The following NRG1 variants were observed in gnomAD, a reference collection of about 807,000 sequenced individuals.
NRG1 encodes the protein pro-neuregulin-1, membrane-bound isoform.
A neutral mutation model predicts 63.8 loss-of-function variants in NRG1; 18 were observed. The observed-to-expected ratio is 0.28, with a 90% CI of 0.19 to 0.42. The LOEUF (loss-of-function observed/expected upper bound fraction) is 0.42. Ranked by LOEUF, NRG1 falls within the 10% of genes least tolerant of loss-of-function variation. NRG1 has a pLI of 1.00. For missense variants in NRG1, 762 were observed against 814.7 expected (o/e 0.94, Z 0.79); for synonymous variants, 302 against 301.3 (o/e 1.00, Z -0.02).
intron 1 of NRG1, among the ~76,000 whole-genome samples, chr8:32,143,214 T>C (rs899397329): frequency 4.0e-5 from 6 of 151,836 alleles, no homozygotes; most frequent in Non-Finnish European, 8.8e-5. Context: ...GGCCTGTGTC[T>C]AGAGTACAAG....
intron 1 of NRG1, among the ~76,000 whole-genome samples, chr8:32,420,651 TACA>T (rs1199017659): frequency 2.0e-5 from 3 of 152,138 alleles, no homozygotes; most frequent in African/African-American, 7.2e-5. Flanking sequence ...GTGGAGTGTT[TACA>T]ACATTTTTGC....
intron 1 of NRG1, among the ~76,000 whole-genome samples, chr8:32,341,451 G>A (rs1804066225): frequency 6.6e-6 from 1 of 152,208 alleles, no homozygotes; most frequent in African/African-American, 2.4e-5. Flanking sequence ...AAGACTGTAA[G>A]GACAGAGGAA....
At chr8:31,691,669 C>T (rs1021366924) in intron 1 of NRG1, among the ~76,000 whole-genome samples, 8 of 147,564 alleles carry the variant, frequency 5.4e-5, no homozygotes, top group East Asian at 4.1e-4. Context: ...TAAAAATAAC[C>T]GTTAATTTTA....
rs373432398 is a variant in NRG1 at position 31,929,747 on chromosome 8, A to G, written c.37+290316A>G. 1.4e-4 allele frequency among the ~76,000 whole-genome samples: 22 copies of G among 152,228 alleles called. No homozygotes were observed. The East Asian group carries it at 3.7e-3, about 25-fold the overall frequency. On this transcript the variant is annotated intron_variant, in intron 1 of 10. Coordinates refer to the NRG1 transcript ENST00000519301. ...ATAACACACTAAATTTTTCTTTACT[A>G]TATTTCATTCCCTTCTTAATCTCAT... is the stretch of plus-strand genomic sequence containing the variant.
intron 6 of NRG1, among the ~76,000 whole-genome samples, chr8:32,734,933 T>A (rs1013772847): frequency 1.3e-5 from 2 of 152,062 alleles, no homozygotes; most frequent in African/African-American, 4.8e-5. Flanking sequence ...ACCATACTGG[T>A]CTTTGCCTGA....
intron 1 of NRG1, among the ~76,000 whole-genome samples, chr8:32,519,241 C>T (rs559568428): frequency 6.6e-6 from 1 of 152,212 alleles, no homozygotes; most frequent in East Asian, 1.9e-4. Context: ...TAAAGGAAAG[C>T]AGGACCTATT....
intron 1 of NRG1, among the ~76,000 whole-genome samples, chr8:31,656,725 A>C (rs1805469892): frequency 6.6e-6 from 1 of 152,176 alleles, no homozygotes; most frequent in South Asian, 2.1e-4. Context: ...TGAGCTAAGA[A>C]TTCTTTCCTA....
chr8:31,676,501 C>G (rs534518617), intron 1 of NRG1, among the ~76,000 whole-genome samples: 1 of 152,252 alleles, frequency 6.6e-6, no homozygotes, highest in South Asian at 2.1e-4. Flanking sequence ...TTAGGTGGGG[C>G]AGTGGTTCTC....
intron 1 of NRG1, among the ~76,000 whole-genome samples, chr8:31,790,018 G>A (rs1300617390): frequency 1.3e-5 from 2 of 152,132 alleles, no homozygotes; most frequent in South Asian, 2.1e-4. Context: ...AAGGATATAA[G>A]CAAAAAGGTA....
At chr8:31,878,344 A>G (rs554524168) in intron 1 of NRG1, among the ~76,000 whole-genome samples, 104 of 152,318 alleles carry the variant, frequency 6.8e-4, no homozygotes, top group African/African-American at 2.4e-3. Context: ...TTATCTATAA[A>G]TTTCAAATCA....
chr8:32,475,168 T>A (rs929020994), intron 1 of NRG1, among the ~76,000 whole-genome samples: 1 of 151,990 alleles, frequency 6.6e-6, no homozygotes, highest in African/African-American at 2.4e-5. Context: ...GTCTCCTACC[T>A]TAGAAAGTGC....
intron 1 of NRG1, among the ~76,000 whole-genome samples, chr8:32,463,543 A>G (rs1822604933): frequency 6.6e-6 from 1 of 152,134 alleles, no homozygotes; most frequent in Non-Finnish European, 1.5e-5. Flanking sequence ...GAAAAATTAT[A>G]TTAATACTTA....
chr8:32,407,232 T>C (rs1814117284), intron 1 of NRG1, among the ~76,000 whole-genome samples: 1 of 145,978 alleles, frequency 6.9e-6, no homozygotes, highest in African/African-American at 2.5e-5. Flanking sequence ...AATTCAATGA[T>C]TTGGTAGAAG....
intron 1 of NRG1, among the ~76,000 whole-genome samples, chr8:31,761,688 G>T (rs1393279200): frequency 5.3e-5 from 8 of 152,114 alleles, no homozygotes; most frequent in Non-Finnish European, 1.2e-4. Context: ...GGAGTGATTT[G>T]TGGTGCCCCA....
At chr8:31,945,231 C>G (rs1291235470) in intron 1 of NRG1, among the ~76,000 whole-genome samples, 1 of 152,162 alleles carries the variant, frequency 6.6e-6, no homozygotes, top group Non-Finnish European at 1.5e-5. Flanking sequence ...CCATACTATG[C>G]AGGCTGAATT....
chr8:32,295,432 C>T (rs562351902), intron 1 of NRG1, among the ~76,000 whole-genome samples: 1 of 152,228 alleles, frequency 6.6e-6, no homozygotes, highest in African/African-American at 2.4e-5. Context: ...ATAATCTCTA[C>T]TACTTGCTTT....
chr8:32,145,025 T>A lies in NRG1; in HGVS notation c.38-450803T>A, dbSNP rs201094381. 8.5e-5 allele frequency among the ~76,000 whole-genome samples: 13 copies of A among 152,332 alleles called. No individual in the cohort carries two copies. In the East Asian group the frequency reaches 2.3e-3, roughly 27 times the overall value. On this transcript the variant is annotated intron_variant, in intron 1 of 10. Transcript: ENST00000519301. ...GAGTTGCAGAGCAAAGCTGCTGAGA[T>A]CTTATATTTGACTGAGGTTTCACAA... is the stretch of plus-strand genomic sequence containing the variant.
intron 1 of NRG1, among the ~76,000 whole-genome samples, chr8:32,033,090 T>A (rs1818511464): frequency 6.7e-6 from 1 of 149,448 alleles, no homozygotes; most frequent in African/African-American, 2.5e-5. Context: ...ATGTGCAGTC[T>A]ATTTTTTTTT....
At chr8:31,763,867 G>A (rs555296220) in intron 1 of NRG1, among the ~76,000 whole-genome samples, 82 of 151,940 alleles carry the variant, frequency 5.4e-4, no homozygotes, top group Non-Finnish European at 6.5e-4. Flanking sequence ...GGAGAATGGC[G>A]TGAACCTGGG....
Sources: gnomAD v4.1 joint callset for allele counts (sites outside exome capture counted in the v4.1 genomes callset) on GRCh38, gnomAD v4.1.1 for gene constraint, MANE v1.5 for transcripts, NCBI Gene and HGNC (gene_info 2026-07-23, HGNC 2026-07-21) for gene names.